Variants in SORCS3 observed in about 807,000 individuals in gnomAD.
SORCS3 encodes the protein VPS10 domain-containing receptor SorCS3.
A neutral mutation model predicts 146.3 loss-of-function variants in SORCS3; 57 were observed. That is an observed-to-expected ratio of 0.39 (90% CI 0.31 to 0.49). The LOEUF is 0.49. SORCS3 is among the 20% of genes least tolerant of loss of function. The probability of loss-of-function intolerance (pLI) is 0.92; values close to 1 mark genes in which losing one functional copy is unlikely to be tolerated. For synonymous variants in SORCS3, 653 were observed against 618.5 expected (o/e 1.06, Z -0.83); for missense variants, 1,341 against 1,575.5 (o/e 0.85, Z 2.52).
chr10:104,713,130 T>C (rs200485728), intron 1 of SORCS3, among the ~76,000 whole-genome samples: 2 of 750 alleles, frequency 2.7e-3, no homozygotes, highest in Admixed American at 0.091. Context: ...TGTGTGTGCG[T>C]GTGTGTGTGT....
intron 4 of SORCS3, among the ~76,000 whole-genome samples, chr10:105,004,603 T>C (rs759677662): frequency 2.0e-5 from 3 of 152,106 alleles, no homozygotes; most frequent in Non-Finnish European, 2.9e-5. Context: ...CCCTGCTGTT[T>C]GTTTTTGTTT....
At chr10:105,026,327 A>T (rs1317904255) in intron 4 of SORCS3, among the ~76,000 whole-genome samples, 1 of 152,152 alleles carries the variant, frequency 6.6e-6, no homozygotes, top group Non-Finnish European at 1.5e-5. Context: ...TGGGTTCCCC[A>T]CTTTCTGCTC....
At position 105,264,357 on chromosome 10, in the gene SORCS3, AAAG is replaced by A. The variant is rs1248857353; in HGVS notation, c.*987_*989del. 6.6e-6 allele frequency: 1 copy of A among 152,204 alleles called. No individual in the cohort carries two copies. The highest frequency in any genetic ancestry group is 1.9e-4 in the East Asian group (1 of 5,200). The allele number at this position is 152,204 out of a possible 1,614,324, so 9.4% of individuals were successfully genotyped here. On this transcript the variant is annotated 3_prime_UTR_variant, in exon 27 of 27. Transcript: ENST00000369701. Reference sequence around the variant, plus strand: ...TCAGTCTGAGAAAATATTTTTTTCTAAAGAAGGCAGTCAGTGGATCTTAAAATG... The same window carrying A: ...TCAGTCTGAGAAAATATTTTTTTCTAAAGGCAGTCAGTGGATCTTAAAATG...
intron 2 of SORCS3, among the ~76,000 whole-genome samples, chr10:104,911,758 C>T (rs1317546828): frequency 6.6e-6 from 1 of 152,128 alleles, no homozygotes; most frequent in Non-Finnish European, 1.5e-5. Context: ...TTAGGATCCT[C>T]TGAGCTCTTT....
intron 1 of SORCS3, among the ~76,000 whole-genome samples, chr10:104,821,448 C>A (rs77284790): frequency 6.6e-6 from 1 of 152,066 alleles, no homozygotes; most frequent in Non-Finnish European, 1.5e-5. Context: ...CTGGGGACAC[C>A]GGTGAGGGTT....
At chr10:104,981,569 A>G (rs1218897512) in intron 4 of SORCS3, among the ~76,000 whole-genome samples, 3 of 152,196 alleles carry the variant, frequency 2.0e-5, no homozygotes, top group Admixed American at 2.0e-4. Context: ...AGGGCTCAAT[A>G]ATCTTATTAA....
At chr10:104,769,476 G>T (rs532942584) in intron 1 of SORCS3, among the ~76,000 whole-genome samples, 7 of 152,340 alleles carry the variant, frequency 4.6e-5, no homozygotes, top group African/African-American at 1.7e-4. Context: ...TTGCTGTGGG[G>T]AATGTGCCTA....
intron 3 of SORCS3, among the ~76,000 whole-genome samples, chr10:104,921,931 T>A (rs954126944): frequency 5.3e-5 from 8 of 152,182 alleles, no homozygotes; most frequent in African/African-American, 1.9e-4. Context: ...GAATATTACA[T>A]CCTGCATTCC....
chr10:105,180,748 G>A (rs1352971863), intron 14 of SORCS3, among the ~76,000 whole-genome samples: 1 of 151,994 alleles, frequency 6.6e-6, no homozygotes, highest in Non-Finnish European at 1.5e-5. Context: ...ATGCACTGGT[G>A]CCTTCCTGCC....
chr10:105,096,063 C>A (rs2055743776), intron 6 of SORCS3, among the ~76,000 whole-genome samples: 1 of 151,656 alleles, frequency 6.6e-6, no homozygotes, highest in East Asian at 1.9e-4. Flanking sequence ...GTATAGAAGA[C>A]AAGTGGTCCT....
intron 20 of SORCS3, among the ~76,000 whole-genome samples, chr10:105,234,848 CCT>C (rs1475608032): frequency 6.6e-6 from 1 of 151,900 alleles, no homozygotes; most frequent in Non-Finnish European, 1.5e-5. Flanking sequence ...TTGCAACATC[CCT>C]GTTGTATCAG....
At chr10:105,075,619 T>C (rs1109596) in intron 5 of SORCS3, among the ~76,000 whole-genome samples, 113,987 of 151,760 alleles carry the variant, frequency 0.75, 42,972 homozygotes, top group East Asian at 0.84. Context: ...TTAATATACT[T>C]GCTTCATTAG....
At chr10:104,742,645 G>T (rs1363862150) in intron 1 of SORCS3, among the ~76,000 whole-genome samples, 2 of 152,222 alleles carry the variant, frequency 1.3e-5, no homozygotes, top group African/African-American at 4.8e-5. Flanking sequence ...GGGGCCTCAA[G>T]AGGTATTAAC....
intron 7 of SORCS3, among the ~76,000 whole-genome samples, chr10:105,131,297 G>A (rs1334911730): frequency 6.6e-6 from 1 of 152,162 alleles, no homozygotes; most frequent in Non-Finnish European, 1.5e-5. Flanking sequence ...AAACACTGCA[G>A]AGGCAGTGTG....
At chr10:105,092,899 C>A (rs1166294605) in intron 6 of SORCS3, among the ~76,000 whole-genome samples, 1 of 152,032 alleles carries the variant, frequency 6.6e-6, no homozygotes, top group Non-Finnish European at 1.5e-5. Flanking sequence ...GCTTTCTCCC[C>A]GAAGAGCAGT....
At chr10:105,175,611 TCA>T (rs565778198) in intron 13 of SORCS3, among the ~76,000 whole-genome samples, 275 of 152,354 alleles carry the variant, frequency 1.8e-3, no homozygotes, top group Admixed American at 4.3e-3. Flanking sequence ...AAAGTAAAGT[TCA>T]TTTCCAATTA....
intron 12 of SORCS3, among the ~76,000 whole-genome samples, chr10:105,165,292 C>T (rs183081932): frequency 1.3e-5 from 2 of 152,058 alleles, no homozygotes; most frequent in East Asian, 1.9e-4. Flanking sequence ...AGAAAAGAGA[C>T]GAATTGATCC....
At chr10:104,753,997 T>C (rs1251665960) in intron 1 of SORCS3, among the ~76,000 whole-genome samples, 1 of 152,204 alleles carries the variant, frequency 6.6e-6, no homozygotes, top group East Asian at 1.9e-4. Context: ...GTAGACCTAA[T>C]ATAATTTAGT....
intron 7 of SORCS3, among the ~76,000 whole-genome samples, chr10:105,116,684 C>T (rs943918044): frequency 1.3e-5 from 2 of 152,062 alleles, no homozygotes; most frequent in African/African-American, 4.8e-5. Flanking sequence ...CACATATACA[C>T]AGTGGAATAC....
Sources: allele counts gnomAD v4.1 joint callset (sites outside exome capture counted in the v4.1 genomes callset), GRCh38; gene constraint gnomAD v4.1.1; transcripts MANE v1.5; gene names NCBI Gene and HGNC (gene_info 2026-07-23, HGNC 2026-07-21).